The following DAP3 variants were observed in gnomAD, a reference collection of about 807,000 sequenced individuals.
The protein encoded by DAP3 is death associated protein 3, also known as small ribosomal subunit protein mS29.
A neutral mutation model predicts 51.9 loss-of-function variants in DAP3; 28 were observed. The observed-to-expected ratio is 0.54, with a 90% CI of 0.40 to 0.74. DAP3 has a LOEUF of 0.74. Among genes scored for constraint, DAP3 ranks in the 30% least tolerant of loss-of-function variants. The pLI is 0.00. For missense variants in DAP3, 458 were observed against 483.5 expected, an observed-to-expected ratio of 0.95 and a Z score of 0.49; for synonymous variants, 170 against 170.3, an observed-to-expected ratio of 1.00 and a Z score of 0.01.
intron 1 of DAP3, among the ~76,000 whole-genome samples, chr1:155,707,719 ATGT>A (rs1280862794): frequency 6.6e-6 from 1 of 151,958 alleles, no homozygotes; most frequent in Non-Finnish European, 1.5e-5. Context: ...ATTATTCTAA[ATGT>A]TGTTTTTATC....
intron 9 of DAP3, 50 bp downstream of exon 9, chr1:155,729,416 C>G (rs1198773019): frequency 6.2e-6 from 10 of 1,601,064 alleles, no homozygotes; most frequent in Non-Finnish European, 7.7e-6. Flanking sequence ...CTGATTCCAT[C>G]AGTATGGAGG....
At chr1:155,698,245 G>A (rs572258128) in intron 1 of DAP3, among the ~76,000 whole-genome samples, 1 of 152,212 alleles carries the variant, frequency 6.6e-6, no homozygotes, top group Non-Finnish European at 1.5e-5. Flanking sequence ...ACAGGCATAG[G>A]AAATTATAAG....
intron 2 of DAP3, among the ~76,000 whole-genome samples, chr1:155,716,425 T>C (rs1657344144): frequency 6.6e-6 from 1 of 151,700 alleles, no homozygotes; most frequent in South Asian, 2.1e-4. Context: ...TACAAAAAAT[T>C]AGCCAGGCGT....
At chr1:155,689,907 TCA>T (rs3041216) in intron 1 of DAP3, among the ~76,000 whole-genome samples, 125,805 of 142,180 alleles carry the variant, frequency 0.88, 55,780 homozygotes, top group East Asian at 0.97. Flanking sequence ...CGAGACTCCG[TCA>T]CACACACACA....
At chr1:155,714,897 C>G (rs951736858) in intron 2 of DAP3, among the ~76,000 whole-genome samples, 1 of 151,814 alleles carries the variant, frequency 6.6e-6, no homozygotes, top group Non-Finnish European at 1.5e-5. Context: ...CATATATTTT[C>G]TGCACTCAAA....
chr1:155,707,209 C>T lies in DAP3; in HGVS notation c.-7-2564C>T, dbSNP rs1044348870. Among the ~76,000 whole-genome samples, 13 of 152,162 alleles carry T rather than the reference C, an allele frequency of 8.5e-5. No individual in the cohort carries two copies. The East Asian group carries it at 1.5e-3, about 18-fold the overall frequency. ...CGGGAGGATCACAAGGTCAGGAGATCGAGACCATCCTGGCTAACATGGTGA... is the reference window on the plus strand; with the variant it reads ...CGGGAGGATCACAAGGTCAGGAGATTGAGACCATCCTGGCTAACATGGTGA... On this transcript the variant is annotated intron_variant, in intron 1 of 12. Coordinates refer to ENST00000368336, the MANE Select transcript of DAP3 (RefSeq NM_004632.4).
chr1:155,737,996 A>T (rs1429102235), intron 12 of DAP3, among the ~76,000 whole-genome samples, 161 bp from the exon 13 acceptor site: 2 of 152,124 alleles, frequency 1.3e-5, no homozygotes, highest in Non-Finnish European at 2.9e-5. Context: ...ACAAAAGAAG[A>T]GTAGCTTGTT....
At chr1:155,710,884 A>G (rs1261781073) in intron 2 of DAP3, among the ~76,000 whole-genome samples, 1 of 152,084 alleles carries the variant, frequency 6.6e-6, no homozygotes, top group Non-Finnish European at 1.5e-5. Context: ...TGAAAAAATG[A>G]CTATTTCAGT....
At chr1:155,708,699 T>TG (rs1656310003) in intron 1 of DAP3, among the ~76,000 whole-genome samples, 1 of 148,468 alleles carries the variant, frequency 6.7e-6, no homozygotes, top group Non-Finnish European at 1.5e-5. Flanking sequence ...CACTCCTGAC[T>TG]AATTTTTTTT....
At chr1:155,706,817 G>A (rs1220689172) in intron 1 of DAP3, among the ~76,000 whole-genome samples, 1 of 151,748 alleles carries the variant, frequency 6.6e-6, no homozygotes, top group African/African-American at 2.4e-5. Flanking sequence ...AGGGGGCCGG[G>A]TGTGGTAATT....
intron 1 of DAP3, among the ~76,000 whole-genome samples, chr1:155,698,050 G>A (rs1396836586): frequency 6.6e-6 from 1 of 152,158 alleles, no homozygotes; most frequent in African/African-American, 2.4e-5. Flanking sequence ...CAGACTTTAT[G>A]GTTATCTCCC....
At position 155,725,371 on chromosome 1, in the gene DAP3, T is replaced by G. The variant is rs750690878; in HGVS notation, c.271-11T>G. The G allele has an allele frequency of 6.2e-7, 1 of 1,603,736 alleles. No homozygotes were observed. The highest frequency in any genetic ancestry group is 8.5e-7 in the Non-Finnish European group (1 of 1,170,772). On this transcript the variant is annotated splice_polypyrimidine_tract_variant and intron_variant, in intron 4 of 12. Transcript: ENST00000368336. The stretch of plus-strand genomic sequence containing the variant: ...ACCCACCCACTCTTTCCTTCTTTCC[T>G]ACTTTATCAGGTGAAGACATTCAGT...
intron 1 of DAP3, among the ~76,000 whole-genome samples, chr1:155,693,718 T>A (rs991850874): frequency 7.1e-6 from 1 of 141,794 alleles, no homozygotes; most frequent in East Asian, 1.9e-4. Flanking sequence ...TCCCAGCACT[T>A]TGGGAGGCCG....
intron 6 of DAP3, 148 bp downstream of exon 6, chr1:155,726,167 G>A (rs1465768489): frequency 5.0e-6 from 3 of 599,008 alleles, no homozygotes; most frequent in South Asian, 4.7e-5. Flanking sequence ...AGTCTGGAGT[G>A]CAGAGGCGCA....
chr1:155,725,850 A>T, intron 5 of DAP3, 77 bp from the exon 6 acceptor site: 2 of 1,445,342 alleles, frequency 1.4e-6, no homozygotes, highest in Admixed American at 3.7e-5. Flanking sequence ...ATCTCAAAAA[A>T]ACAAAACAAA....
At chr1:155,723,836 C>G (rs1658264837) in intron 4 of DAP3, among the ~76,000 whole-genome samples, 1 of 152,070 alleles carries the variant, frequency 6.6e-6, no homozygotes, top group Admixed American at 6.6e-5. Flanking sequence ...GCCAGGAGTT[C>G]AAGATGAGCC....
At chr1:155,692,022 A>G (rs1057014927) in intron 1 of DAP3, among the ~76,000 whole-genome samples, 4 of 141,760 alleles carry the variant, frequency 2.8e-5, no homozygotes, top group Non-Finnish European at 5.9e-5. Flanking sequence ...TAAGAAGCAG[A>G]TGTTCAGGGC....
chr1:155,721,037 A>C (rs968967221), intron 3 of DAP3, among the ~76,000 whole-genome samples: 16 of 133,770 alleles, frequency 1.2e-4, no homozygotes, highest in African/African-American at 5.0e-4. Context: ...ACTCTGTCTC[A>C]AAAAAAAAAG....
At chr1:155,732,409 T>A (rs1659339925) in intron 11 of DAP3, among the ~76,000 whole-genome samples, 1 of 152,012 alleles carries the variant, frequency 6.6e-6, no homozygotes, top group Non-Finnish European at 1.5e-5. Flanking sequence ...TTTTGTATTT[T>A]TAGTAGAGAC....
Sources: gnomAD v4.1 joint callset for allele counts (sites outside exome capture counted in the v4.1 genomes callset) on GRCh38, gnomAD v4.1.1 for gene constraint, MANE v1.5 for transcripts, NCBI Gene and HGNC (gene_info 2026-07-23, HGNC 2026-07-21) for gene names.